The following WWOX variants were observed in gnomAD, a reference collection of about 807,000 sequenced individuals.
WWOX encodes the protein WW domain-containing oxidoreductase.
A neutral mutation model predicts 46.2 loss-of-function variants in WWOX; 69 were observed. That is an observed-to-expected ratio of 1.49 (90% CI 1.23 to 1.82). The LOEUF (loss-of-function observed/expected upper bound fraction) is 1.82, where lower values mean the gene tolerates loss of function less well. Among genes scored for constraint, WWOX ranks in the 40% most tolerant of loss-of-function variants. WWOX has a pLI of 0.00. For synonymous variants in WWOX, 359 were observed against 202.6 expected (o/e 1.77, Z -6.56); for missense variants, 919 against 542.6 (o/e 1.69, Z -6.89).
chr16:78,922,964 G>A (rs2151271971), intron 8 of WWOX, among the ~76,000 whole-genome samples: 1 of 140,268 alleles, frequency 7.1e-6, no homozygotes, highest in Admixed American at 7.7e-5. Flanking sequence ...ATATTCAGGA[G>A]GCATAATTCT....
At chr16:78,672,429 C>T (rs982988786) in intron 8 of WWOX, among the ~76,000 whole-genome samples, 1 of 152,152 alleles carries the variant, frequency 6.6e-6, no homozygotes, top group Non-Finnish European at 1.5e-5. Flanking sequence ...GTGATTTTGA[C>T]TAAGACTGGA....
chr16:79,182,137 C>T (rs960741738), intron 8 of WWOX, among the ~76,000 whole-genome samples: 11 of 150,206 alleles, frequency 7.3e-5, no homozygotes, highest in East Asian at 3.9e-4. Flanking sequence ...CATTACTTCT[C>T]GGTGGCAAGG....
rs138632254 is a variant in WWOX, at chr16:79,143,525, G to T, written c.1057-68083G>T. On this transcript the variant is annotated intron_variant, in intron 8 of 8. Transcript: ENST00000566780. ...AGGACAAACCATTTGAGTGGCTTCTGTTGGAGTTTTATTCTTGATACATAC... is the reference window on the plus strand; with the variant it reads ...AGGACAAACCATTTGAGTGGCTTCTTTTGGAGTTTTATTCTTGATACATAC... Among the ~76,000 whole-genome samples, 1,375 of 152,266 alleles carry T rather than the reference G, an allele frequency of 9.0e-3. 29 individuals carry two copies. The highest frequency in any genetic ancestry group is 0.031 in the African/African-American group (1,301 of 41,540).
chr16:78,882,278 C>T (rs962780397), intron 8 of WWOX, among the ~76,000 whole-genome samples: 2 of 152,100 alleles, frequency 1.3e-5, no homozygotes, highest in African/African-American at 2.4e-5. Context: ...ACCTAGGGAG[C>T]CAGGACAGTA....
At position 78,139,500 on chromosome 16, in the gene WWOX, T is replaced by C. The variant is rs569498376; in HGVS notation, c.409+24346T>C. On this transcript the variant is annotated intron_variant, in intron 4 of 8. Transcript: ENST00000566780. ...CTCTACTAAAAATACAAAAAATTAG[T>C]TGGGCGTACTGGCAGGCGCCTATAA... is the stretch of plus-strand genomic sequence containing the variant. Among the ~76,000 whole-genome samples the C allele has an allele frequency of 5.3e-5, 8 of 152,132 alleles. No individual in the cohort carries two copies. In the South Asian group the frequency reaches 1.7e-3, roughly 32 times the overall value.
chr16:78,208,666 A>G (rs1361679583), intron 5 of WWOX, among the ~76,000 whole-genome samples: 1 of 152,228 alleles, frequency 6.6e-6, no homozygotes, highest in Non-Finnish European at 1.5e-5. Context: ...CACTCCATTT[A>G]CTGTGTGCTG....
Position 79,031,164 on chromosome 16 carries a change from C to G in WWOX, c.1057-180444C>G, listed in dbSNP as rs536543117. ...TTGCTTTAAAATGTCAAGGCCAACT[C>G]TTATGATATGCGGAAGCCTTCGCCC... On this transcript the variant is annotated intron_variant, in intron 8 of 8. Transcript: ENST00000566780. Among the ~76,000 whole-genome samples the G allele has an allele frequency of 8.5e-5, 13 of 152,088 alleles. No individual in the cohort carries two copies. In the South Asian group the frequency reaches 2.5e-3, roughly 29 times the overall value.
intron 8 of WWOX, among the ~76,000 whole-genome samples, chr16:79,069,342 C>G (rs775214478): frequency 2.0e-5 from 3 of 152,200 alleles, no homozygotes; most frequent in Non-Finnish European, 4.4e-5. Context: ...GAGCTTCCAG[C>G]AAAAGAGCCC....
chr16:78,215,799 G>A (rs749852442), intron 5 of WWOX, among the ~76,000 whole-genome samples: 1 of 151,938 alleles, frequency 6.6e-6, no homozygotes, highest in Non-Finnish European at 1.5e-5. Flanking sequence ...GGTGGTGTGT[G>A]CCTGTAATCC....
At position 79,210,360 on chromosome 16, in the gene WWOX, C is replaced by T. The variant is rs891180636; in HGVS notation, c.1057-1248C>T. ...TCTCCCAGGGATCCTAGAATGCAAG[C>T]ATAGTGATTGCAAACCAGACCATTT... On this transcript the variant is annotated intron_variant, in intron 8 of 8. Coordinates refer to ENST00000566780, the MANE Select transcript of WWOX (RefSeq NM_016373.4). Among the ~76,000 whole-genome samples, 3 of 152,280 alleles carry T rather than the reference C, an allele frequency of 2.0e-5. No individual in the cohort carries two copies. In the East Asian group the frequency reaches 5.8e-4, roughly 29 times the overall value.
intron 8 of WWOX, among the ~76,000 whole-genome samples, chr16:79,047,185 A>T (rs932941130): frequency 1.4e-4 from 22 of 152,188 alleles, no homozygotes; most frequent in African/African-American, 5.3e-4. Context: ...TAGTAAGCAC[A>T]TGCAAGGCAT....
chr16:78,918,669 A>C (rs899023486), intron 8 of WWOX, among the ~76,000 whole-genome samples: 1 of 152,188 alleles, frequency 6.6e-6, no homozygotes, highest in African/African-American at 2.4e-5. Flanking sequence ...AATCAGCTCC[A>C]TCCTGAAAGC....
intron 8 of WWOX, among the ~76,000 whole-genome samples, chr16:78,693,465 T>G (rs1403917797): frequency 6.6e-6 from 1 of 152,164 alleles, no homozygotes; most frequent in Non-Finnish European, 1.5e-5. Context: ...AGCTTCTATT[T>G]TTTTCCACAT....
intron 5 of WWOX, among the ~76,000 whole-genome samples, chr16:78,276,500 C>T (rs76052796): frequency 0.14 from 22,043 of 152,204 alleles, 1,613 homozygotes; most frequent in Admixed American, 0.17. Flanking sequence ...TTGAGCCCTG[C>T]GCGAGCCCCA....
chr16:79,197,082 G>C (rs1028318513), intron 8 of WWOX, among the ~76,000 whole-genome samples: 2 of 152,132 alleles, frequency 1.3e-5, no homozygotes, highest in African/African-American at 2.4e-5. Flanking sequence ...TGGGCCAGGG[G>C]AGCTACCTGA....
At chr16:78,700,666 G>T in intron 8 of WWOX, among the ~76,000 whole-genome samples, 1 of 152,188 alleles carries the variant, frequency 6.6e-6, no homozygotes, top group Non-Finnish European at 1.5e-5. Flanking sequence ...CTTCCATATC[G>T]TGTGTCTTGT....
At chr16:78,863,609 C>A (rs2737290) in intron 8 of WWOX, among the ~76,000 whole-genome samples, 20,298 of 152,190 alleles carry the variant, frequency 0.13, 1,701 homozygotes, top group Middle Eastern at 0.19. Context: ...CAACCATAAG[C>A]TGTATTCAGG....
At chr16:78,610,037 G>C (rs1289702836) in intron 8 of WWOX, among the ~76,000 whole-genome samples, 1 of 146,770 alleles carries the variant, frequency 6.8e-6, no homozygotes, top group Non-Finnish European at 1.5e-5. Flanking sequence ...CGAATCCGCT[G>C]AATGTCCGAT....
chr16:79,078,733 C>T (rs1311082671), intron 8 of WWOX, among the ~76,000 whole-genome samples: 2 of 152,226 alleles, frequency 1.3e-5, no homozygotes, highest in African/African-American at 2.4e-5. Context: ...CCAGATTGGA[C>T]TCAACCATGA....
Sources: gnomAD v4.1 joint callset for allele counts (sites outside exome capture counted in the v4.1 genomes callset) on GRCh38, gnomAD v4.1.1 for gene constraint, MANE v1.5 for transcripts, NCBI Gene and HGNC (gene_info 2026-07-23, HGNC 2026-07-21) for gene names.